SCRG1: variants seen among roughly 807,000 people sequenced by gnomAD.
SCRG1 encodes stimulator of chondrogenesis 1, also known as scrapie-responsive protein 1.
Under a neutral mutation model 7.7 loss-of-function variants are expected in SCRG1, and 3 were observed. The observed-to-expected ratio is 0.39, with a 90% CI of 0.18 to 1.01. The LOEUF is 1.01. SCRG1 is among the 50% of genes least tolerant of loss of function. The pLI, the probability that SCRG1 is intolerant of heterozygous loss-of-function variation, is 0.36. For synonymous variants in SCRG1, 46 were observed against 41.2 expected (o/e 1.12, Z -0.44); for missense variants, 110 against 117.2 (o/e 0.94, Z 0.28).
At chr4:173,483,227 T>A in the SCRG1 span, among the ~76,000 whole-genome samples, 8 of 38,420 alleles carry the variant, frequency 2.1e-4, no homozygotes, top group East Asian at 1.9e-3. Context: ...AATATATATA[T>A]TATATATAAT....
the SCRG1 span, among the ~76,000 whole-genome samples, chr4:173,442,876 A>G: frequency 6.6e-6 from 1 of 152,262 alleles, no homozygotes; most frequent in South Asian, 2.1e-4. Context: ...TCACAACCTA[A>G]TCACCTCTTA....
the SCRG1 span, among the ~76,000 whole-genome samples, chr4:173,515,261 C>T: frequency 3.5e-4 from 54 of 152,242 alleles, no homozygotes; most frequent in African/African-American, 1.3e-3. The surrounding 1 kb of genome is among the most constrained non-coding windows in gnomAD (Gnocchi z 4.6). Context: ...CCCTGCCCCC[C>T]GCCAAAGAAT....
At chr4:173,415,875 C>T in the SCRG1 span, among the ~76,000 whole-genome samples, 20 of 152,144 alleles carry the variant, frequency 1.3e-4, no homozygotes, top group Non-Finnish European at 2.8e-4. Flanking sequence ...ATGAACACAC[C>T]AAGAGCTGGA....
At chr4:173,391,143 G>A in intron 2 of SCRG1, 30 bp downstream of exon 2, 1 of 1,611,016 alleles carries the variant, frequency 6.2e-7, no homozygotes, top group Non-Finnish European at 8.5e-7. Flanking sequence ...ACATTTCCAG[G>A]CAATACACTT....
chr4:173,439,382 C>T, the SCRG1 span, among the ~76,000 whole-genome samples: 1 of 151,788 alleles, frequency 6.6e-6, no homozygotes, highest in Non-Finnish European at 1.5e-5. Context: ...AAAAACTAGT[C>T]AATTACAGTG....
At chr4:173,407,516 C>G (rs1739940383), upstream of SCRG1, among the ~76,000 whole-genome samples, 1 of 152,112 alleles carries the variant, frequency 6.6e-6, no homozygotes, top group East Asian at 1.9e-4. Context: ...GCCTGGGCAA[C>G]AGAGTGAGAC....
chr4:173,499,688 C>G, the SCRG1 span, among the ~76,000 whole-genome samples: 6 of 152,164 alleles, frequency 3.9e-5, no homozygotes, highest in Non-Finnish European at 7.3e-5. This position sits in a 1 kb window ranked among gnomAD's most constrained non-coding sequence, Gnocchi z 4.1. Flanking sequence ...AGGACAGATT[C>G]AGTTCTTGAA....
the SCRG1 span, among the ~76,000 whole-genome samples, chr4:173,462,166 G>A: frequency 1.3e-5 from 2 of 152,030 alleles, no homozygotes; most frequent in South Asian, 2.1e-4. Flanking sequence ...AAAACTTCCC[G>A]AACCTATAGA....
At chr4:173,435,444 G>T in the SCRG1 span, among the ~76,000 whole-genome samples, 2 of 152,148 alleles carry the variant, frequency 1.3e-5, no homozygotes, top group Non-Finnish European at 2.9e-5. Flanking sequence ...GGGCTCCGAG[G>T]GGTGCCCTGC....
the SCRG1 span, among the ~76,000 whole-genome samples, chr4:173,491,683 G>A: frequency 6.6e-6 from 1 of 152,164 alleles, no homozygotes; most frequent in South Asian, 2.1e-4. Flanking sequence ...GAGGAGATGT[G>A]CAATGCCCAC....
chr4:173,444,651 T>C, the SCRG1 span, among the ~76,000 whole-genome samples: 1 of 152,366 alleles, frequency 6.6e-6, no homozygotes, highest in East Asian at 1.9e-4. Context: ...CACGTGCATG[T>C]GACCCAATCT....
the SCRG1 span, among the ~76,000 whole-genome samples, chr4:173,417,151 G>GACAC: frequency 2.0e-5 from 3 of 150,298 alleles, no homozygotes; most frequent in Admixed American, 6.6e-5. Context: ...CAGACAGACA[G>GACAC]ACACACACAC....
chr4:173,514,178 A>T, the SCRG1 span, among the ~76,000 whole-genome samples: 2 of 152,196 alleles, frequency 1.3e-5, no homozygotes, highest in Non-Finnish European at 2.9e-5. Context: ...CAAAATGCAC[A>T]CTAGTCCTCT....
At chr4:173,513,112 C>G in the SCRG1 span, among the ~76,000 whole-genome samples, 2 of 152,158 alleles carry the variant, frequency 1.3e-5, no homozygotes, top group African/African-American at 4.8e-5. Flanking sequence ...ATGATGCAAA[C>G]AATGTAGACC....
At chr4:173,406,955 C>T (rs1293086039), upstream of SCRG1, among the ~76,000 whole-genome samples, 1 of 152,152 alleles carries the variant, frequency 6.6e-6, no homozygotes, top group Non-Finnish European at 1.5e-5. Flanking sequence ...CGCCTGTAAT[C>T]TCAGCACTTT....
chr4:173,394,914 C>T (rs980326083), intron 1 of SCRG1, among the ~76,000 whole-genome samples: 3 of 152,148 alleles, frequency 2.0e-5, no homozygotes, highest in African/African-American at 7.2e-5. Flanking sequence ...ATACACTTAT[C>T]TTTATCAATG....
At chr4:173,483,682 A>G in the SCRG1 span, among the ~76,000 whole-genome samples, 1 of 9,976 alleles carries the variant, frequency 1.0e-4, no homozygotes, top group African/African-American at 2.4e-4. Flanking sequence ...TATATGATAT[A>G]TTATATTGTG....
At chr4:173,486,913 G>T in the SCRG1 span, among the ~76,000 whole-genome samples, 10 of 152,264 alleles carry the variant, frequency 6.6e-5, no homozygotes, top group South Asian at 4.1e-4. Context: ...GGGCCTCCTT[G>T]TTGGCCAGAA....
At chr4:173,459,965 AC>A in the SCRG1 span, among the ~76,000 whole-genome samples, 1 of 152,218 alleles carries the variant, frequency 6.6e-6, no homozygotes, top group Admixed American at 6.5e-5. Flanking sequence ...TGATCATTAC[AC>A]ATTATATTCA....
Sources: gnomAD v4.1 joint callset for allele counts (sites outside exome capture counted in the v4.1 genomes callset) on GRCh38, gnomAD v4.1.1 for gene constraint, Gnocchi (gnomAD v3.1) non-coding constraint, MANE v1.5 for transcripts, NCBI Gene and HGNC (gene_info 2026-07-23, HGNC 2026-07-21) for gene names.